Variants in BRINP3 observed in about 807,000 individuals in gnomAD.
The protein encoded by BRINP3 is BMP/retinoic acid-inducible neural-specific protein 3.
A neutral mutation model predicts 71.0 loss-of-function variants in BRINP3; 19 were observed. The observed-to-expected ratio is 0.27, with a 90% CI of 0.19 to 0.39. The LOEUF is 0.39. BRINP3 is among the 10% of genes least tolerant of loss of function. The probability of loss-of-function intolerance (pLI) is 1.00; values close to 1 mark genes in which losing one functional copy is unlikely to be tolerated. For missense variants in BRINP3, 959 were observed against 940.8 expected, an observed-to-expected ratio of 1.02 and a Z score of -0.25; for synonymous variants, 380 against 337.7, an observed-to-expected ratio of 1.13 and a Z score of -1.37.
chr1:190,156,228 T>C (rs539806110), intron 7 of BRINP3, among the ~76,000 whole-genome samples: 35 of 152,262 alleles, frequency 2.3e-4, no homozygotes, highest in Non-Finnish European at 5.0e-4. Context: ...TCTGTCATTA[T>C]ATAGGAAATG....
intron 6 of BRINP3, among the ~76,000 whole-genome samples, chr1:190,193,508 C>T (rs935774178): frequency 1.6e-4 from 24 of 151,854 alleles, no homozygotes; most frequent in African/African-American, 5.1e-4. Flanking sequence ...GAAAAATGCC[C>T]CTCCCCAAAA....
At chr1:190,327,389 C>CAAAAAA (rs1666678358) in intron 2 of BRINP3, among the ~76,000 whole-genome samples, 1 of 109,540 alleles carries the variant, frequency 9.1e-6, no homozygotes, top group Admixed American at 8.8e-5. Flanking sequence ...AAAAGAAGAC[C>CAAAAAA]AATCTGTCTG....
chr1:190,179,348 A>C (rs1652830018), intron 6 of BRINP3, among the ~76,000 whole-genome samples: 1 of 152,116 alleles, frequency 6.6e-6, no homozygotes, highest in African/African-American at 2.4e-5. Flanking sequence ...TATTGATTAC[A>C]TTTCTTGACA....
intron 6 of BRINP3, among the ~76,000 whole-genome samples, chr1:190,192,987 C>T (rs1314764603): frequency 2.0e-5 from 3 of 152,096 alleles, no homozygotes; most frequent in African/African-American, 7.2e-5. Flanking sequence ...CCCCTCAAAA[C>T]ATGTCTGCCT....
intron 2 of BRINP3, among the ~76,000 whole-genome samples, chr1:190,430,786 A>C (rs746646346): frequency 2.0e-5 from 3 of 152,168 alleles, no homozygotes; most frequent in Non-Finnish European, 4.4e-5. Flanking sequence ...GACAAAAACC[A>C]TAATTTAGCT....
At position 190,454,954 on chromosome 1, in the gene BRINP3, A is replaced by G. The variant is rs1391093966; in HGVS notation, c.-50-14T>C. 7.8e-7 allele frequency: 1 copy of G among 1,286,668 alleles called. No individual in the cohort carries two copies. The allele number at this position is 1,286,668 out of a possible 1,614,324, so 79.7% of individuals were successfully genotyped here. On this transcript the variant is annotated splice_polypyrimidine_tract_variant and intron_variant, in intron 1 of 7. Transcript: ENST00000367462. ...TTCCCTCAACACCTAGACAAAATACACAGGCAATTAGTTAACTCCTAGAAG... is the reference window on the plus strand; with the variant it reads ...TTCCCTCAACACCTAGACAAAATACGCAGGCAATTAGTTAACTCCTAGAAG...
At chr1:190,332,802 A>G (rs1168053660) in intron 2 of BRINP3, among the ~76,000 whole-genome samples, 5 of 151,996 alleles carry the variant, frequency 3.3e-5, no homozygotes, top group Non-Finnish European at 7.4e-5. Flanking sequence ...ATAAAAACAT[A>G]AGAGAAAGAC....
chr1:190,359,813 G>A, intron 2 of BRINP3, among the ~76,000 whole-genome samples: 1 of 152,054 alleles, frequency 6.6e-6, no homozygotes, highest in East Asian at 1.9e-4. Context: ...GTAGCTGTCA[G>A]TGAGTTCTTT....
At chr1:190,197,643 AC>A (rs1654612230) in intron 6 of BRINP3, among the ~76,000 whole-genome samples, 1 of 152,152 alleles carries the variant, frequency 6.6e-6, no homozygotes, top group Non-Finnish European at 1.5e-5. Context: ...TCCATGTCTC[AC>A]ATCCAGGTCA....
At chr1:190,110,060 G>T (rs949351276) in intron 7 of BRINP3, among the ~76,000 whole-genome samples, 1 of 152,128 alleles carries the variant, frequency 6.6e-6, no homozygotes. Context: ...TGTCTCTCTG[G>T]AGAACCCTGA....
chr1:190,449,948 A>G (rs1558297624), intron 2 of BRINP3, among the ~76,000 whole-genome samples: 1 of 152,208 alleles, frequency 6.6e-6, no homozygotes, highest in African/African-American at 2.4e-5. Flanking sequence ...AGAGTTGCCA[A>G]ATGTAGCAAA....
intron 6 of BRINP3, among the ~76,000 whole-genome samples, chr1:190,199,336 T>A (rs1261944747): frequency 6.6e-6 from 1 of 152,106 alleles, no homozygotes; most frequent in Non-Finnish European, 1.5e-5. Flanking sequence ...CATTTTATTC[T>A]CTCATTCCAT....
intron 7 of BRINP3, among the ~76,000 whole-genome samples, chr1:190,116,103 G>T (rs941518229): frequency 2.0e-5 from 3 of 152,056 alleles, no homozygotes; most frequent in Non-Finnish European, 2.9e-5. Flanking sequence ...TCCTAAAGCT[G>T]CGTACAATAC....
chr1:190,135,881 T>C (rs945986017), intron 7 of BRINP3, among the ~76,000 whole-genome samples: 1 of 152,100 alleles, frequency 6.6e-6, no homozygotes, highest in Non-Finnish European at 1.5e-5. Context: ...AATATTTCTC[T>C]AACTCTCTTA....
chr1:190,185,735 T>A (rs575206763), intron 6 of BRINP3, among the ~76,000 whole-genome samples: 1 of 152,238 alleles, frequency 6.6e-6, no homozygotes, highest in Admixed American at 6.5e-5. Flanking sequence ...TAAAAATGTA[T>A]AATAGCTGAA....
intron 6 of BRINP3, 71 bp from the exon 7 acceptor site, chr1:190,160,961 C>T (rs1223044430): frequency 1.0e-5 from 11 of 1,075,176 alleles, no homozygotes; most frequent in Non-Finnish European, 1.4e-5. Flanking sequence ...ACACGTATGT[C>T]AATATTAAGA....
chr1:190,156,770 T>C (rs1487679852), intron 7 of BRINP3, among the ~76,000 whole-genome samples: 2 of 152,072 alleles, frequency 1.3e-5, no homozygotes, highest in Non-Finnish European at 2.9e-5. Flanking sequence ...ACTTATTTAA[T>C]TTAGAAGTTT....
intron 6 of BRINP3, among the ~76,000 whole-genome samples, chr1:190,186,994 A>T (rs762800079): frequency 7.9e-5 from 12 of 152,150 alleles, no homozygotes; most frequent in Non-Finnish European, 1.8e-4. Flanking sequence ...AAACTGTGTG[A>T]TCTAGAATAA....
chr1:190,421,702 C>T (rs1389834073), intron 2 of BRINP3, among the ~76,000 whole-genome samples: 2 of 151,854 alleles, frequency 1.3e-5, no homozygotes, highest in East Asian at 1.9e-4. Context: ...CACCACCACT[C>T]ACTAGTTCTG....
Sources: gnomAD v4.1 joint callset for allele counts (sites outside exome capture counted in the v4.1 genomes callset) on GRCh38, gnomAD v4.1.1 for gene constraint, MANE v1.5 for transcripts, NCBI Gene and HGNC (gene_info 2026-07-23, HGNC 2026-07-21) for gene names.